Variants in CRACDL observed in about 807,000 individuals in gnomAD.
CRACDL encodes CRACD like, also known as CRACD-like protein.
CRACDL carries 26 observed loss-of-function variants against 70.6 expected under a neutral mutation model. The observed-to-expected ratio is 0.37, with a 90% CI of 0.27 to 0.51. The LOEUF (loss-of-function observed/expected upper bound fraction) is 0.51, where lower values mean the gene tolerates loss of function less well. Ranked by LOEUF, CRACDL falls within the 20% of genes least tolerant of loss-of-function variation. The pLI, the probability that CRACDL is intolerant of heterozygous loss-of-function variation, is 0.94. For missense variants in CRACDL, 1,283 were observed against 1,376.9 expected, an observed-to-expected ratio of 0.93 and a Z score of 1.08; for synonymous variants, 618 against 615.2, an observed-to-expected ratio of 1.00 and a Z score of -0.07.
chr2:98,799,621 G>C (rs1486154736), intron 7 of CRACDL, among the ~76,000 whole-genome samples: 4 of 152,158 alleles, frequency 2.6e-5, no homozygotes, highest in Non-Finnish European at 5.9e-5. Context: ...CTTGAAAGAA[G>C]TCTCCCCGGA....
At chr2:98,854,294 A>AG (rs1706610010) in intron 1 of CRACDL, among the ~76,000 whole-genome samples, 3 of 150,388 alleles carry the variant, frequency 2.0e-5, no homozygotes, top group Admixed American at 6.6e-5. Flanking sequence ...AAAAAAAAAA[A>AG]AAAAAAGAAA....
intron 1 of CRACDL, among the ~76,000 whole-genome samples, chr2:98,860,430 T>C (rs1472923810): frequency 1.3e-5 from 2 of 152,258 alleles, no homozygotes; most frequent in African/African-American, 4.8e-5. Flanking sequence ...TGTACTGTAC[T>C]GGCATATTGG....
intron 1 of CRACDL, among the ~76,000 whole-genome samples, chr2:98,873,787 C>T (rs998809818): frequency 6.6e-6 from 1 of 152,208 alleles, no homozygotes; most frequent in Non-Finnish European, 1.5e-5. Flanking sequence ...AGGCAGATCA[C>T]CTGAGGTCAG....
In CRACDL at chr2:98,822,379, G is replaced by C. The variant is rs1443782421; in HGVS notation, c.1894C>G (p.Leu632Val). The C allele has an allele frequency of 6.8e-7, 1 of 1,475,040 alleles. No homozygotes were observed. Among genetic ancestry groups the C allele is most frequent in the Admixed American group, 2.5e-5 (1 of 40,726 alleles). The allele number at this position is 1,475,040 out of a possible 1,614,324, so 91.4% of individuals were successfully genotyped here. Residue 632 changes from leucine (L) to valine (V), a missense_variant, in exon 7 of 10, where the codon CTG (leucine) becomes GTG (valine). Physicochemically the swap from Leu to Val is conservative, Grantham distance 32. This residue lies in a region of CRACDL where 921 missense variants were observed against 881.9 expected (regional missense o/e 1.04). Coordinates refer to ENST00000397899, the MANE Select transcript of CRACDL (RefSeq NM_207362.3). The surrounding 1 kb of genome is among the most constrained non-coding windows in gnomAD (Gnocchi z 4.9). ...PQHAKPGPRKLAERGPQDSGD... is the reference protein window; with the variant it reads ...PQHAKPGPRKVAERGPQDSGD... ...GAGTCCTGAGGGCCGCGCTCCGCCA[G>C]CTTCCGAGGGCCAGGTTTCGCGTGC...
intron 1 of CRACDL, among the ~76,000 whole-genome samples, chr2:98,911,790 A>G (rs1163816485): frequency 6.6e-6 from 1 of 151,936 alleles, no homozygotes; most frequent in East Asian, 1.9e-4. Flanking sequence ...TTTTCCTCCC[A>G]GTCTGCGGTG....
chr2:98,809,147 C>T (rs1052165059), intron 7 of CRACDL, among the ~76,000 whole-genome samples: 13 of 152,176 alleles, frequency 8.5e-5, no homozygotes, highest in African/African-American at 3.1e-4. Context: ...GAGGCTATGA[C>T]TCCTGAATGC....
chr2:98,837,782 CA>C (rs1475509348), intron 3 of CRACDL, among the ~76,000 whole-genome samples: 3 of 152,096 alleles, frequency 2.0e-5, no homozygotes, highest in Non-Finnish European at 2.9e-5. Context: ...TCTAGGTCCT[CA>C]AAAGAGTTTT....
At chr2:98,922,433 C>T (rs1354136106) in intron 1 of CRACDL, among the ~76,000 whole-genome samples, 2 of 140,246 alleles carry the variant, frequency 1.4e-5, no homozygotes, top group Non-Finnish European at 3.0e-5. Context: ...AGCAAGACTC[C>T]GTCTCAAAAA....
At chr2:98,889,316 AAAGAAAGAAAGAAAGAAAGAAAGAAAGG>A (rs1305202565) in intron 1 of CRACDL, among the ~76,000 whole-genome samples, 2 of 80,812 alleles carry the variant, frequency 2.5e-5, no homozygotes, top group African/African-American at 1.4e-4. Flanking sequence ...AGAAAGAAAG[AAAGAAAGAAAGAAAGAAAGAAAGAAAGG>A]AAACAGTAAC....
At chr2:98,845,316 C>T (rs990258958) in intron 2 of CRACDL, among the ~76,000 whole-genome samples, 1 of 151,818 alleles carries the variant, frequency 6.6e-6, no homozygotes, top group South Asian at 2.1e-4. Context: ...CCCACCTCTG[C>T]CTCCCAAGTA....
chr2:98,892,085 T>C (rs978817735), intron 1 of CRACDL, among the ~76,000 whole-genome samples: 1 of 152,152 alleles, frequency 6.6e-6, no homozygotes, highest in Non-Finnish European at 1.5e-5. Flanking sequence ...ATACTGCTTG[T>C]AGGAGTAAAA....
intron 1 of CRACDL, among the ~76,000 whole-genome samples, chr2:98,859,253 T>C (rs374769002): frequency 3.1e-4 from 47 of 152,222 alleles, no homozygotes; most frequent in East Asian, 1.5e-3. Context: ...GCAAGCTAAA[T>C]CCAGTAAGAT....
intron 1 of CRACDL, chr2:98,869,230 G>A (rs868303910): frequency 7.7e-7 from 1 of 1,294,380 alleles, no homozygotes; most frequent in Non-Finnish European, 1.0e-6. Context: ...GTCACCACTG[G>A]TTGCTGATCA....
chr2:98,882,535 A>G (rs1707679940), intron 1 of CRACDL, among the ~76,000 whole-genome samples: 1 of 152,236 alleles, frequency 6.6e-6, no homozygotes, highest in African/African-American at 2.4e-5. Context: ...CGCACAATGA[A>G]GAGAGGAAAA....
At chr2:98,856,717 T>G (rs1706715349) in intron 1 of CRACDL, among the ~76,000 whole-genome samples, 1 of 152,086 alleles carries the variant, frequency 6.6e-6, no homozygotes, top group Non-Finnish European at 1.5e-5. Flanking sequence ...GAAATGAAAT[T>G]TTGTAAATTT....
intron 7 of CRACDL, among the ~76,000 whole-genome samples, chr2:98,813,613 A>G (rs1394598812): frequency 2.0e-5 from 3 of 152,226 alleles, no homozygotes; most frequent in Non-Finnish European, 2.9e-5. Context: ...AATGAAAACT[A>G]TAAAAATTTT....
intron 8 of CRACDL, among the ~76,000 whole-genome samples, 154 bp from the exon 9 acceptor site, chr2:98,796,418 C>T (rs1043554203): frequency 6.6e-6 from 1 of 152,214 alleles, no homozygotes; most frequent in Admixed American, 6.5e-5. Context: ...TCACTAACAC[C>T]GAGTGGTCAG....
At position 98,936,142 on chromosome 2, in the gene CRACDL, C is replaced by CGCGGCCGGCCCGGCCCT. The variant is rs1321189366; in HGVS notation, c.-232_-216dup. On this transcript the variant is annotated 5_prime_UTR_variant, in exon 1 of 10. Coordinates refer to ENST00000397899, the MANE Select transcript of CRACDL (RefSeq NM_207362.3). ...GACGCGGGCGCTGACACTACCCTCC[C>CGCGGCCGGCCCGGCCCT]GCGGCCGGCCCGGCCCTGCGCCCGG... 6.6e-6 allele frequency: 1 copy of CGCGGCCGGCCCGGCCCT among 151,238 alleles called. No homozygotes were observed. Among genetic ancestry groups the CGCGGCCGGCCCGGCCCT allele is most frequent in the African/African-American group, 2.4e-5 (1 of 41,336 alleles). The allele number at this position is 151,238 out of a possible 1,614,324, so 9.4% of individuals were successfully genotyped here.
intron 1 of CRACDL, among the ~76,000 whole-genome samples, chr2:98,916,588 AT>A: frequency 6.6e-6 from 1 of 152,234 alleles, no homozygotes; most frequent in South Asian, 2.1e-4. Context: ...CAGAAATCTC[AT>A]TTTTATATGT....
Sources: gnomAD v4.1 joint callset for allele counts (sites outside exome capture counted in the v4.1 genomes callset) on GRCh38, gnomAD v4.1.1 for gene constraint, gnomAD v4.1.1 regional missense constraint, Gnocchi (gnomAD v3.1) non-coding constraint, MANE v1.5 for transcripts, NCBI Gene and HGNC (gene_info 2026-07-23, HGNC 2026-07-21) for gene names.